ELOA: variants seen among roughly 807,000 people sequenced by gnomAD.
The protein encoded by ELOA is elongin A.
ELOA carries 15 observed loss-of-function variants against 85.2 expected under a neutral mutation model. That is an observed-to-expected ratio of 0.18 (90% CI 0.12 to 0.27). The LOEUF is 0.27. ELOA is among the 10% of genes least tolerant of loss of function. ELOA has a pLI of 1.00. For missense variants in ELOA, 769 were observed against 952.7 expected (o/e 0.81, Z 2.54); for synonymous variants, 348 against 357.2 (o/e 0.97, Z 0.29).
chr1:23,758,247 ATTTATTTATTTATTTTTTTT>A (rs1481407870), intron 10 of ELOA, among the ~76,000 whole-genome samples: 34 of 56,774 alleles, frequency 6.0e-4, no homozygotes, highest in African/African-American at 1.7e-3. Context: ...GGGTCTTCCA[ATTTATTTATTTATTTTTTTT>A]TTTTTTTTTT....
In ELOA at chr1:23,750,943, A is replaced by C; in HGVS notation, c.338A>C (p.Gln113Pro). Residue 113 changes from glutamine (Q) to proline (P), a missense_variant, in exon 4 of 11, where the codon CAA (glutamine) becomes CCA (proline). Around this residue, in one of 4 missense-constraint regions of ELOA, gnomAD observed 440 missense variants for 474.0 expected, o/e 0.93. Transcript: ENST00000613537. ...QKEEEMEGDYQETWKATGSRS... is the reference protein window; with the variant it reads ...QKEEEMEGDYPETWKATGSRS... ...GAGGAGGAGATGGAGGGGGACTACCAAGAAACCTGGAAAGCCACGGGGAGC... is the reference window on the plus strand; with the variant it reads ...GAGGAGGAGATGGAGGGGGACTACCCAGAAACCTGGAAAGCCACGGGGAGC... 6.2e-7 allele frequency: 1 copy of C among 1,614,080 alleles called. No individual in the cohort carries two copies. Among genetic ancestry groups the C allele is most frequent in the Non-Finnish European group, 8.5e-7 (1 of 1,180,020 alleles).
chr1:23,754,610 A>G (rs1451723023), intron 7 of ELOA, 150 bp downstream of exon 7: 2 of 661,692 alleles, frequency 3.0e-6, no homozygotes, highest in Non-Finnish European at 5.2e-6. Context: ...GGGCCTTTAA[A>G]CAAGCATGTT....
chr1:23,759,827 T>C lies in ELOA; in HGVS notation c.*254T>C, dbSNP rs971916032. The C allele has an allele frequency of 8.1e-6, 4 of 496,380 alleles. No homozygotes were observed. The highest frequency in any genetic ancestry group is 1.9e-5 in the African/African-American group (1 of 51,708). The allele number at this position is 496,380 out of a possible 1,614,324, so 30.7% of individuals were successfully genotyped here. A position where few individuals can be genotyped will look rare whatever the true frequency, so the allele number is the denominator to read the frequency against. On this transcript the variant is annotated 3_prime_UTR_variant, in exon 11 of 11. Coordinates refer to ENST00000613537, the MANE Select transcript of ELOA (RefSeq NM_003198.3). ...AGGATTTTAAAGGTCAATTATACTT[T>C]TGTTGTTCATTAGCATCTTTGTAAA...
At chr1:23,743,874 C>T (rs1389638323) in intron 1 of ELOA, among the ~76,000 whole-genome samples, 6 of 152,186 alleles carry the variant, frequency 3.9e-5, no homozygotes, top group African/African-American at 1.4e-4. Flanking sequence ...CGTGGCGTCC[C>T]GAGCCAGCTG....
chr1:23,758,246 AATTTATTT>A (rs1224791949), intron 10 of ELOA, among the ~76,000 whole-genome samples: 6,131 of 66,120 alleles, frequency 0.093, 888 homozygotes, highest in Middle Eastern at 0.21. Flanking sequence ...TGGGTCTTCC[AATTTATTT>A]ATTTATTTTT....
chr1:23,751,967 A>G lies in ELOA; in HGVS notation c.1362A>G (p.Leu454=), dbSNP rs775962055. The G allele has an allele frequency of 6.2e-7, 1 of 1,609,844 alleles. No homozygotes were observed. The highest frequency in any genetic ancestry group is 1.1e-5 in the South Asian group (1 of 90,126). ...TGKNLDSVQK[L]PKVNKTKSEK... ...AAAACTTGGACTCAGTTCAGAAATTACCCAAGGTGAACAAAACCAAGTCAG... is the reference window on the plus strand; with the variant it reads ...AAAACTTGGACTCAGTTCAGAAATTGCCCAAGGTGAACAAAACCAAGTCAG... The change falls in exon 4 of 11, where the codon TTA becomes TTG. Residue 454 remains leucine, a synonymous_variant. Transcript: ENST00000613537.
intron 10 of ELOA, among the ~76,000 whole-genome samples, chr1:23,758,247 ATTTATTTATTTATTTTTTTTTTT>A (rs1461613934): frequency 5.3e-5 from 3 of 56,786 alleles, no homozygotes; most frequent in Middle Eastern, 0.013. Flanking sequence ...GGGTCTTCCA[ATTTATTTATTTATTTTTTTTTTT>A]TTTTTTTTTT....
intron 10 of ELOA, among the ~76,000 whole-genome samples, chr1:23,757,737 G>C (rs1055381156): frequency 6.6e-6 from 1 of 150,852 alleles, no homozygotes; most frequent in African/African-American, 2.4e-5. Flanking sequence ...CTGACCTCGC[G>C]ATCTGCCCGC....
intron 1 of ELOA, among the ~76,000 whole-genome samples, chr1:23,748,484 G>C (rs942886279): frequency 6.6e-6 from 1 of 152,134 alleles, no homozygotes; most frequent in African/African-American, 2.4e-5. Flanking sequence ...TAACATCCAA[G>C]CTCTGATTCT....
At position 23,752,045 on chromosome 1, in the gene ELOA, C is replaced by A; in HGVS notation, c.1425+15C>A. The A allele has an allele frequency of 6.4e-7, 1 of 1,570,096 alleles. No homozygotes were observed. The highest frequency in any genetic ancestry group is 8.6e-7 in the Non-Finnish European group (1 of 1,164,904). On this transcript the variant is annotated intron_variant, in intron 4 of 10. Coordinates refer to ENST00000613537, the MANE Select transcript of ELOA (RefSeq NM_003198.3). ...AGCTGAGAAAGGTAACCCCTTCAGC[C>A]CCTTGGTGGCTTCCCACCCAGAGCA...
Position 23,751,403 on chromosome 1 carries a change from G to A in ELOA, c.798G>A (p.Val266=). ...DAKSDEKASV[V]SREKSHKALS... The stretch of plus-strand genomic sequence containing the variant: ...AGAGTGATGAGAAGGCCTCTGTGGT[G>A]AGCAGAGAGAAATCACACAAGGCCC... Residue 266 remains valine (V), a synonymous_variant, in exon 4 of 11, where the codon GTG becomes GTA. Coordinates refer to ENST00000613537, the MANE Select transcript of ELOA (RefSeq NM_003198.3). The A allele has an allele frequency of 6.2e-7, 1 of 1,614,170 alleles. No individual in the cohort carries two copies. The highest frequency in any genetic ancestry group is 8.5e-7 in the Non-Finnish European group (1 of 1,180,036).
chr1:23,744,211 G>T (rs1276687182), intron 1 of ELOA: 1 of 152,270 alleles, frequency 6.6e-6, no homozygotes, highest in African/African-American at 2.4e-5. Context: ...AATTGAAAAA[G>T]AGGCGGGGGC....
intron 1 of ELOA, among the ~76,000 whole-genome samples, chr1:23,748,799 C>T (rs1263214813): frequency 2.0e-5 from 3 of 152,126 alleles, no homozygotes; most frequent in Non-Finnish European, 4.4e-5. Context: ...GAATCTAAAG[C>T]CACAGACCTG....
rs545669033 is a variant in ELOA, at chr1:23,761,467, C to G, written c.*1894C>G. ...GATTCAGTTGTGTATGATTTAATGT[C>G]CCTTATTAGGAGTCTTTAGGCAGGG... On this transcript the variant is annotated 3_prime_UTR_variant, in exon 11 of 11. Coordinates refer to ENST00000613537, the MANE Select transcript of ELOA (RefSeq NM_003198.3). The G allele has an allele frequency of 6.6e-6, 1 of 152,216 alleles. No individual in the cohort carries two copies. Among genetic ancestry groups the G allele is most frequent in the East Asian group, 1.9e-4 (1 of 5,188 alleles). 9.4% of individuals were successfully genotyped at this position (152,216 alleles called of 1,614,324 possible). A position where few individuals can be genotyped will look rare whatever the true frequency, so the allele number is the denominator to read the frequency against.
intron 10 of ELOA, among the ~76,000 whole-genome samples, chr1:23,757,746 G>A (rs748681625): frequency 4.0e-5 from 6 of 150,186 alleles, no homozygotes; most frequent in Non-Finnish European, 7.4e-5. Flanking sequence ...CGATCTGCCC[G>A]CCTTGGCCTC....
At chr1:23,753,976 G>A in intron 5 of ELOA, 124 bp from the exon 6 acceptor site, 1 of 1,212,320 alleles carries the variant, frequency 8.2e-7, no homozygotes, top group South Asian at 1.5e-5. Context: ...AAATTCTCTG[G>A]AAGGATCTAC....
chr1:23,758,584 A>G (rs951193794), intron 10 of ELOA, among the ~76,000 whole-genome samples: 2 of 148,154 alleles, frequency 1.3e-5, no homozygotes, highest in African/African-American at 5.0e-5. Flanking sequence ...GGTCTTCCAA[A>G]TATTTATTCT....
intron 7 of ELOA, among the ~76,000 whole-genome samples, chr1:23,755,437 G>A (rs1644789902): frequency 6.6e-6 from 1 of 151,916 alleles, no homozygotes; most frequent in South Asian, 2.1e-4. Flanking sequence ...CTAAGATGAA[G>A]ACCAAAAAAT....
At chr1:23,752,129 G>A (rs550532702) in intron 4 of ELOA, 99 bp downstream of exon 4, 22 of 1,244,026 alleles carry the variant, frequency 1.8e-5, no homozygotes, top group African/African-American at 3.1e-5. Flanking sequence ...CTTGCTTTTG[G>A]GGGGCATGTT....
Sources: gnomAD v4.1 joint callset for allele counts (sites outside exome capture counted in the v4.1 genomes callset) on GRCh38, gnomAD v4.1.1 for gene constraint, gnomAD v4.1.1 regional missense constraint, MANE v1.5 for transcripts, NCBI Gene and HGNC (gene_info 2026-07-23, HGNC 2026-07-21) for gene names.